ANAPC1: variants seen among roughly 807,000 people sequenced by gnomAD.
The protein encoded by ANAPC1 is anaphase-promoting complex subunit 1.
Under a neutral mutation model 208.0 loss-of-function variants are expected in ANAPC1, and 36 were observed. The observed-to-expected ratio is 0.17, with a 90% CI of 0.13 to 0.23. The LOEUF (loss-of-function observed/expected upper bound fraction) is 0.23. Among genes scored for constraint, ANAPC1 ranks in the 10% least tolerant of loss-of-function variants. The pLI is 1.00. For missense variants in ANAPC1, 942 were observed against 2,011.6 expected, an observed-to-expected ratio of 0.47 and a Z score of 10.17; for synonymous variants, 378 against 695.2, an observed-to-expected ratio of 0.54 and a Z score of 7.18.
intron 13 of ANAPC1, among the ~76,000 whole-genome samples, chr2:111,852,027 A>G (rs1681431571): frequency 6.6e-6 from 1 of 151,992 alleles, no homozygotes. Flanking sequence ...AGTTGCCCCA[A>G]TAAAATCCTT....
chr2:111,839,294 T>G (rs1466438698), intron 17 of ANAPC1, among the ~76,000 whole-genome samples: 1 of 152,244 alleles, frequency 6.6e-6, no homozygotes, highest in Non-Finnish European at 1.5e-5. Flanking sequence ...TTATTGTGTT[T>G]GAGCCATTGT....
rs1475530972 is a variant in ANAPC1, at chr2:111,824,692, TCA to T, written c.2812+272_2812+273del. 2.6e-5 allele frequency among the ~76,000 whole-genome samples: 4 copies of T among 152,352 alleles called. No individual in the cohort carries two copies. In the East Asian group the frequency reaches 7.7e-4, roughly 29 times the overall value. ...TGTAGGTGATTAGAGTTCTCCATTCTCAGAGACCAGCTTACATAGCCACAGCC... is the reference window on the plus strand; with the variant it reads ...TGTAGGTGATTAGAGTTCTCCATTCTGAGACCAGCTTACATAGCCACAGCC... On this transcript the variant is annotated intron_variant, in intron 24 of 47. Transcript: ENST00000341068.
At position 111,884,085 on chromosome 2, in the gene ANAPC1, A is replaced by G. The variant is rs577733725; in HGVS notation, c.-168T>C. 4.6e-5 allele frequency: 7 copies of G among 152,316 alleles called. No individual in the cohort carries two copies. Among genetic ancestry groups the G allele is most frequent in the Non-Finnish European group, 1.0e-4 (7 of 68,146 alleles). The allele number at this position is 152,316 out of a possible 1,614,324, so 9.4% of individuals were successfully genotyped here. A position where few individuals can be genotyped will look rare whatever the true frequency, so the allele number is the denominator to read the frequency against. The stretch of plus-strand genomic sequence containing the variant: ...GCTTCTCATTCCCTCTCCCTCCCCT[A>G]TTCTGGAGGAAGAACGGGCAACAGC... On this transcript the variant is annotated 5_prime_UTR_variant, in exon 1 of 48. Coordinates refer to ENST00000341068, the MANE Select transcript of ANAPC1 (RefSeq NM_022662.4).
At position 111,843,441 on chromosome 2, in the gene ANAPC1, T is replaced by C. The variant is rs1229433596; in HGVS notation, c.2011A>G (p.Asn671Asp). 1 of 1,612,030 alleles carries C rather than the reference T, an allele frequency of 6.2e-7. No homozygotes were observed. Among genetic ancestry groups the C allele is most frequent in the Non-Finnish European group, 8.5e-7 (1 of 1,179,862 alleles). ...VTCLMNMMGY[N>D]TDRLAWTRNF... Reference sequence around the variant, plus strand: ...CTAGTCCATGCTAAGCGGTCTGTGTTATAACCCATCATGTTCATGAGACAA... The same window carrying C: ...CTAGTCCATGCTAAGCGGTCTGTGTCATAACCCATCATGTTCATGAGACAA... Residue 671 changes from asparagine to aspartate, a missense_variant, in exon 17 of 48, where the codon AAC becomes GAC. Coordinates refer to ENST00000341068, the MANE Select transcript of ANAPC1 (RefSeq NM_022662.4).
At chr2:111,882,681 G>A (rs1683368919) in intron 1 of ANAPC1, among the ~76,000 whole-genome samples, 1 of 150,632 alleles carries the variant, frequency 6.6e-6, no homozygotes, top group African/African-American at 2.4e-5. Context: ...AGGTTGCAGT[G>A]AGCCGAGATC....
chr2:111,843,820 C>CTTTT (rs369036574), intron 16 of ANAPC1, among the ~76,000 whole-genome samples: 25,794 of 86,398 alleles, frequency 0.3, 5,163 homozygotes, highest in Non-Finnish European at 0.35. Context: ...CTGAAGACAG[C>CTTTT]TTTTTTTTTT....
chr2:111,774,950 T>C (rs1022538140), intron 46 of ANAPC1, among the ~76,000 whole-genome samples: 1 of 151,632 alleles, frequency 6.6e-6, no homozygotes, highest in African/African-American at 2.4e-5. Context: ...AAAATTATAA[T>C]TTGAGGAGAT....
intron 21 of ANAPC1, among the ~76,000 whole-genome samples, chr2:111,830,616 T>C (rs1680079058): frequency 6.6e-6 from 1 of 152,036 alleles, no homozygotes; most frequent in Non-Finnish European, 1.5e-5. Flanking sequence ...AAACCACATA[T>C]CTGACAAAAC....
chr2:111,818,295 TAA>T (rs1383605123), intron 27 of ANAPC1, among the ~76,000 whole-genome samples: 1 of 142,074 alleles, frequency 7.0e-6, no homozygotes, highest in Non-Finnish European at 1.5e-5. Context: ...TAAAAAAATC[TAA>T]AATAGATATA....
Position 111,878,980 on chromosome 2 carries a change from T to C in ANAPC1, c.214-9A>G, listed in dbSNP as rs1683158904. On this transcript the variant is annotated splice_polypyrimidine_tract_variant and intron_variant, in intron 2 of 47. Coordinates refer to ENST00000341068, the MANE Select transcript of ANAPC1 (RefSeq NM_022662.4). ...CTTAACTGCCAGCTTTCCTTAAAAA[T>C]TAACACATGTAAAACATATTCAAGC... The C allele has an allele frequency of 6.3e-7, 1 of 1,585,916 alleles. No homozygotes were observed. The highest frequency in any genetic ancestry group is 8.5e-7 in the Non-Finnish European group (1 of 1,171,774).
chr2:111,874,409 G>A (rs1283729235), intron 3 of ANAPC1, among the ~76,000 whole-genome samples: 5 of 151,870 alleles, frequency 3.3e-5, no homozygotes, highest in East Asian at 1.9e-4. Flanking sequence ...CAGAAACTCC[G>A]TGCCCATTAA....
rs200380766 is a variant in ANAPC1, at chr2:111,825,192, A to G, written c.2705-25T>C. The G allele has an allele frequency of 5.4e-4, 815 of 1,505,592 alleles. 4 individuals are homozygous for G. The African/African-American group carries it at 0.013, about 23-fold the overall frequency. The allele number at this position is 1,505,592 out of a possible 1,614,324, so 93.3% of individuals were successfully genotyped here. On this transcript the variant is annotated intron_variant, in intron 22 of 47. Coordinates refer to ENST00000341068, the MANE Select transcript of ANAPC1 (RefSeq NM_022662.4). The stretch of plus-strand genomic sequence containing the variant: ...GCTAAAAGGCAACAAAATGAAACTT[A>G]ATTTTGATAGTCATCCTGGTAAAGA...
intron 46 of ANAPC1, among the ~76,000 whole-genome samples, chr2:111,775,985 A>T (rs1205928859): frequency 6.6e-6 from 1 of 152,200 alleles, no homozygotes; most frequent in Non-Finnish European, 1.5e-5. Flanking sequence ...TATCCCTCAC[A>T]ACTTGGTTTA....
chr2:111,848,406 G>A (rs1393092783), intron 14 of ANAPC1, among the ~76,000 whole-genome samples: 1 of 150,684 alleles, frequency 6.6e-6, no homozygotes, highest in African/African-American at 2.4e-5. Flanking sequence ...TGGAAAGGCT[G>A]ACAATATGCA....
At chr2:111,855,224 T>C (rs1417482256) in intron 13 of ANAPC1, among the ~76,000 whole-genome samples, 3 of 152,200 alleles carry the variant, frequency 2.0e-5, no homozygotes, top group Admixed American at 6.5e-5. Flanking sequence ...TCATCTTATA[T>C]GGGTACAGTT....
chr2:111,822,051 T>G (rs1306962256), intron 25 of ANAPC1, among the ~76,000 whole-genome samples: 1 of 152,126 alleles, frequency 6.6e-6, no homozygotes, highest in African/African-American at 2.4e-5. Context: ...ATATAATTAC[T>G]CATCCAAATT....
Position 111,843,571 on chromosome 2 carries a change from A to C in ANAPC1, c.1881T>G (p.Phe627Leu), listed in dbSNP as rs1680884720. The change falls in exon 17 of 48, where the codon TTT (phenylalanine) becomes TTG (leucine). Residue 627 changes from phenylalanine (F) to leucine (L), a missense_variant. By Grantham distance (22) the Phe-to-Leu change is conservative (BLOSUM62 0). Coordinates refer to ENST00000341068, the MANE Select transcript of ANAPC1 (RefSeq NM_022662.4). ...LVQTCLQAIKFILPKEIAVQM... is the reference protein window; with the variant it reads ...LVQTCLQAIKLILPKEIAVQM... ...GAACTGCTATTTCTTTTGGCAGGATAAACTTAATTGCTTGCAAACACGTTT... is the reference window on the plus strand; with the variant it reads ...GAACTGCTATTTCTTTTGGCAGGATCAACTTAATTGCTTGCAAACACGTTT... The C allele has an allele frequency of 6.2e-7, 1 of 1,611,708 alleles. No individual in the cohort carries two copies. Among genetic ancestry groups the C allele is most frequent in the Admixed American group, 1.7e-5 (1 of 59,996 alleles).
intron 8 of ANAPC1, 152 bp from the exon 9 acceptor site, chr2:111,864,047 C>G: frequency 5.2e-6 from 6 of 1,147,156 alleles, no homozygotes; most frequent in Non-Finnish European, 7.2e-6. Context: ...TCAAATGAGG[C>G]CAGGTGCCGT....
At chr2:111,841,110 G>A (rs143331907) in intron 17 of ANAPC1, among the ~76,000 whole-genome samples, 1 of 152,140 alleles carries the variant, frequency 6.6e-6, no homozygotes, top group African/African-American at 2.4e-5. Context: ...ATTGCAGAGA[G>A]CAATTCCTTC....
Sources: gnomAD v4.1 joint callset for allele counts (sites outside exome capture counted in the v4.1 genomes callset) on GRCh38, gnomAD v4.1.1 for gene constraint, MANE v1.5 for transcripts, NCBI Gene and HGNC (gene_info 2026-07-23, HGNC 2026-07-21) for gene names.